Variants in ZNF676 observed in about 807,000 individuals in gnomAD.
ZNF676 encodes zinc finger protein 676.
In ZNF676, 4 loss-of-function variants were observed where a neutral mutation model predicts 6.0. The observed-to-expected ratio is 0.67, with a 90% CI of 0.33 to 1.53. ZNF676 has a LOEUF of 1.53. ZNF676 is among the 40% of genes most tolerant of loss of function. The pLI, the probability that ZNF676 is intolerant of heterozygous loss-of-function variation, is 0.06. For missense variants in ZNF676, 644 were observed against 679.7 expected (o/e 0.95, Z 0.58); for synonymous variants, 198 against 223.1 (o/e 0.89, Z 1.00).
intron 2 of ZNF676, among the ~76,000 whole-genome samples, chr19:22,190,630 C>CATATATATATATATATATATAT (rs74174059): frequency 3.0e-5 from 2 of 66,792 alleles, no homozygotes; most frequent in African/African-American, 4.4e-5. Context: ...TAGAATGCAA[C>CATATATATATATATATATATAT]ATATATATAT....
chr19:22,233,212 G>A, the ZNF676 span, among the ~76,000 whole-genome samples: 17 of 152,178 alleles, frequency 1.1e-4, no homozygotes, highest in East Asian at 2.1e-3. Flanking sequence ...GCCGGGTTTC[G>A]CCATGTTGCC....
the ZNF676 span, among the ~76,000 whole-genome samples, chr19:22,233,558 A>G: frequency 5.9e-5 from 9 of 152,104 alleles, no homozygotes; most frequent in Non-Finnish European, 1.0e-4. Flanking sequence ...TTTGTTGTTT[A>G]TTTTTTAGTT....
chr19:22,185,747 A>C lies in ZNF676; in HGVS notation c.131-4161T>G, dbSNP rs1474511308. Among the ~76,000 whole-genome samples, 4 of 152,226 alleles carry C rather than the reference A, an allele frequency of 2.6e-5. No individual in the cohort carries two copies. The South Asian group carries it at 8.3e-4, about 32-fold the overall frequency. On this transcript the variant is annotated intron_variant, in intron 2 of 2. Coordinates refer to ENST00000397121, the MANE Select transcript of ZNF676 (RefSeq NM_001001411.3). ...ACTTTGTGAAGCATGCATAAGTATCAATAGCTGAATCGATAATGCAGAAGA... is the reference window on the plus strand; with the variant it reads ...ACTTTGTGAAGCATGCATAAGTATCCATAGCTGAATCGATAATGCAGAAGA...
At chr19:22,232,794 A>T in the ZNF676 span, among the ~76,000 whole-genome samples, 1 of 152,184 alleles carries the variant, frequency 6.6e-6, no homozygotes, top group Non-Finnish European at 1.5e-5. Context: ...AATATATAGA[A>T]ATTAACACAC....
chr19:22,239,910 TGGAA>T, the ZNF676 span, among the ~76,000 whole-genome samples: 1 of 152,222 alleles, frequency 6.6e-6, no homozygotes, highest in East Asian at 1.9e-4. Flanking sequence ...TGCCCTCTGA[TGGAA>T]GGACAAAGAC....
upstream of ZNF676, among the ~76,000 whole-genome samples, chr19:22,199,762 G>A (rs111943746): frequency 5.3e-3 from 812 of 152,178 alleles, 5 homozygotes; most frequent in African/African-American, 0.018. Context: ...GCAAAGAATA[G>A]AAAACAGAAC....
In ZNF676 at chr19:22,210,473, A is replaced by G. The variant is rs141297991; in HGVS notation, c.3+5159T>C. ...CAGAACTCAGCAGAACACTGTAGTT[A>G]TATTCACTGGATTCAAATAAAATAT... On this transcript the variant is annotated intron_variant, in intron 1 of 3. Coordinates refer to the ZNF676 transcript ENST00000650058. Among the ~76,000 whole-genome samples, 5 of 152,386 alleles carry G rather than the reference A, an allele frequency of 3.3e-5. No individual in the cohort carries two copies. In the East Asian group the frequency reaches 9.6e-4, roughly 29 times the overall value.
chr19:22,233,959 TC>T, the ZNF676 span, among the ~76,000 whole-genome samples: 1 of 152,250 alleles, frequency 6.6e-6, no homozygotes, highest in African/African-American at 2.4e-5. Flanking sequence ...ACATACCTCT[TC>T]CCCAAATTTC....
the ZNF676 span, among the ~76,000 whole-genome samples, chr19:22,233,453 C>A: frequency 1.4e-5 from 2 of 146,736 alleles, no homozygotes; most frequent in African/African-American, 5.0e-5. Flanking sequence ...ATCTTTATCA[C>A]GTAGCTTTGT....
upstream of ZNF676, among the ~76,000 whole-genome samples, chr19:22,201,490 A>T (rs1319538895): frequency 6.6e-6 from 1 of 152,328 alleles, no homozygotes; most frequent in East Asian, 1.9e-4. Flanking sequence ...AGGTGAAATC[A>T]ACCTCACTCT....
At chr19:22,193,279 G>A (rs2144761360) in intron 1 of ZNF676, among the ~76,000 whole-genome samples, 168 bp from the exon 2 acceptor site, 1 of 152,272 alleles carries the variant, frequency 6.6e-6, no homozygotes, top group Admixed American at 6.5e-5. Flanking sequence ...GTTGCTTAAA[G>A]TTCTGTTGAA....
At chr19:22,238,654 G>C in the ZNF676 span, among the ~76,000 whole-genome samples, 1 of 152,048 alleles carries the variant, frequency 6.6e-6, no homozygotes, top group African/African-American at 2.4e-5. Context: ...CTAATGGTGT[G>C]CGTATATATA....
chr19:22,243,116 T>C, the ZNF676 span: 4 of 151,904 alleles, frequency 2.6e-5, no homozygotes, highest in East Asian at 1.9e-4. Context: ...CAGAGACATA[T>C]CACAATCTCT....
At position 22,181,507 on chromosome 19, in the gene ZNF676, T is replaced by G; in HGVS notation, c.210A>C (p.Arg70Ser). The part of the protein sequence containing the change: ...EDSFQKMILR[R>S]YDKCGHENLH... The stretch of plus-strand genomic sequence containing the variant: ...AATTCTCATGTCCACATTTGTCATA[T>G]CTTCTCAATATCATTTTTTGGAAAG... Residue 70 changes from arginine to serine, a missense_variant, in exon 3 of 3, where the codon AGA (arginine) becomes AGC (serine). Arg to Ser is a moderately radical substitution (Grantham distance 110). Coordinates refer to ENST00000397121, the MANE Select transcript of ZNF676 (RefSeq NM_001001411.3). 1.2e-6 allele frequency: 2 copies of G among 1,612,778 alleles called. No individual in the cohort carries two copies. Among genetic ancestry groups the G allele is most frequent in the Admixed American group, 1.7e-5 (1 of 59,806 alleles).
At chr19:22,193,518 A>G (rs1306058019) in intron 1 of ZNF676, among the ~76,000 whole-genome samples, 1 of 152,080 alleles carries the variant, frequency 6.6e-6, no homozygotes, top group Non-Finnish European at 1.5e-5. Context: ...TTATTTTGTC[A>G]GACAACAGGA....
the ZNF676 span, chr19:22,244,239 T>A: frequency 6.6e-6 from 1 of 152,106 alleles, no homozygotes; most frequent in Non-Finnish European, 1.5e-5. Flanking sequence ...AGACAGAGTT[T>A]CACTATGTTG....
the ZNF676 span, among the ~76,000 whole-genome samples, chr19:22,221,985 A>T: frequency 6.6e-6 from 1 of 152,112 alleles, no homozygotes; most frequent in Non-Finnish European, 1.5e-5. Flanking sequence ...TAAGTAAAGT[A>T]AAAAAGTCCC....
At chr19:22,212,949 C>T (rs926175233) in intron 1 of ZNF676, among the ~76,000 whole-genome samples, 3 of 148,876 alleles carry the variant, frequency 2.0e-5, no homozygotes, top group African/African-American at 7.5e-5. Flanking sequence ...GAGCAGAGAT[C>T]ATGCCACTGC....
At chr19:22,247,729 G>A in the ZNF676 span, among the ~76,000 whole-genome samples, 6,897 of 152,194 alleles carry the variant, frequency 0.045, 500 homozygotes, top group African/African-American at 0.15. Context: ...AGGTTGCAGT[G>A]AGCCAAGATC....
Sources: allele counts gnomAD v4.1 joint callset (sites outside exome capture counted in the v4.1 genomes callset), GRCh38; gene constraint gnomAD v4.1.1; transcripts MANE v1.5; gene names NCBI Gene and HGNC (gene_info 2026-07-23, HGNC 2026-07-21).